SRCAP: variants seen among roughly 807,000 people sequenced by gnomAD.
The protein encoded by SRCAP is Snf2 related CREBBP activator protein.
A neutral mutation model predicts 263.1 loss-of-function variants in SRCAP; 46 were observed. The ratio of observed to expected loss-of-function variants is 0.17; its 90% CI spans 0.14 to 0.22. The LOEUF (loss-of-function observed/expected upper bound fraction) is 0.22, where lower values mean the gene tolerates loss of function less well. Among genes scored for constraint, SRCAP ranks in the 10% least tolerant of loss-of-function variants. The pLI is 1.00. For synonymous variants in SRCAP, 1,813 were observed against 1,662.1 expected (o/e 1.09, Z -2.21); for missense variants, 3,695 against 4,181.9 (o/e 0.88, Z 3.21).
At chr16:30,729,979 G>A (rs2053098343) in intron 27 of SRCAP, among the ~76,000 whole-genome samples, 1 of 152,092 alleles carries the variant, frequency 6.6e-6, no homozygotes, top group Non-Finnish European at 1.5e-5. Context: ...TGTTGGCCAG[G>A]TTGGTCTCGA....
At position 30,711,803 on chromosome 16, in the gene SRCAP, G is replaced by A. The variant is rs753671172; in HGVS notation, c.1493-32G>A. 60 of 1,611,504 alleles carry A rather than the reference G, an allele frequency of 3.7e-5. No homozygotes were observed. The South Asian group carries it at 6.2e-4, about 17-fold the overall frequency. ...GGGTGGCCATTGGAAGAGCAGGTAT[G>A]ATGAGCAGTAAGCCTTGGTCTTACC... is the stretch of plus-strand genomic sequence containing the variant. On this transcript the variant is annotated intron_variant, in intron 11 of 33. Transcript: ENST00000262518.
At chr16:30,717,541 G>T (rs1237629617) in intron 18 of SRCAP, among the ~76,000 whole-genome samples, 1 of 150,782 alleles carries the variant, frequency 6.6e-6, no homozygotes, top group East Asian at 1.9e-4. Context: ...TGAACTCCTG[G>T]GCTCAAATAG....
In SRCAP at chr16:30,733,641, T is replaced by G. The variant is rs1410500663; in HGVS notation, c.6337T>G (p.Cys2113Gly). 1.2e-6 allele frequency: 2 copies of G among 1,614,158 alleles called. No individual in the cohort carries two copies. Among genetic ancestry groups the G allele is most frequent in the South Asian group, 1.1e-5 (1 of 91,086 alleles). Residue 2113 changes from cysteine (C) to glycine (G), a missense_variant, in exon 29 of 34, where the codon TGC becomes GGC. By Grantham distance (159) the Cys-to-Gly change is radical. This residue lies in a region of SRCAP where 138 missense variants were observed against 254.9 expected (regional missense o/e 0.54). Transcript: ENST00000262518. The surrounding 1 kb of genome is among the most constrained non-coding windows in gnomAD (Gnocchi z 5.3). ...GTTCAATGCAGACAAACGCATATTC[T>G]GCTTCATCCTTTCAACTCGGAGTGG... Reference protein sequence around the residue: ...ERFNADKRIFCFILSTRSGGV... With the variant: ...ERFNADKRIFGFILSTRSGGV...
At chr16:30,729,616 T>C (rs774999767) in intron 27 of SRCAP, 44 bp downstream of exon 27, 1 of 1,607,196 alleles carries the variant, frequency 6.2e-7, no homozygotes, top group African/African-American at 1.3e-5. Flanking sequence ...TCTCTTCTTT[T>C]CTTAGTATTA....
chr16:30,712,172 T>C lies in SRCAP; in HGVS notation c.1815+15T>C. On this transcript the variant is annotated intron_variant, in intron 12 of 33. Transcript: ENST00000262518. The stretch of plus-strand genomic sequence containing the variant: ...CCACGACCCAGGTATCCCCAGGTTC[T>C]GGCCTCTCCTTTCTCATGTCTTGAC... The C allele has an allele frequency of 6.2e-7, 1 of 1,609,128 alleles. No homozygotes were observed. The highest frequency in any genetic ancestry group is 2.2e-5 in the East Asian group (1 of 44,766).
intron 23 of SRCAP, 58 bp downstream of exon 23, chr16:30,722,806 G>T: frequency 1.9e-6 from 3 of 1,565,606 alleles, no homozygotes; most frequent in Non-Finnish European, 8.7e-7. Context: ...CCAGGCATGC[G>T]CTGGGCTACT....
At chr16:30,732,156 TAATA>T (rs1269416491) in intron 27 of SRCAP, among the ~76,000 whole-genome samples, 2 of 139,706 alleles carry the variant, frequency 1.4e-5, no homozygotes, top group African/African-American at 5.5e-5. Flanking sequence ...AAAAATGAAA[TAATA>T]AAGTGTTCAG....
chr16:30,731,649 TG>T (rs974465059), intron 27 of SRCAP, among the ~76,000 whole-genome samples: 7 of 152,118 alleles, frequency 4.6e-5, no homozygotes, highest in African/African-American at 1.7e-4. Flanking sequence ...GCAGCTCACT[TG>T]AGGCAAGTAA....
chr16:30,720,802 C>G lies in SRCAP; in HGVS notation c.3077C>G (p.Pro1026Arg). 3 of 1,614,156 alleles carry G rather than the reference C, an allele frequency of 1.9e-6. No homozygotes were observed. The highest frequency in any genetic ancestry group is 8.5e-7 in the Non-Finnish European group (1 of 1,180,038). ...RAPLGPVPVR[P>R]PPGPELSAQP... The stretch of plus-strand genomic sequence containing the variant: ...CCCCTGGGCCCTGTCCCAGTTCGAC[C>G]TCCTCCAGGTCCTGAGCTCTCAGCC... Residue 1026 changes from proline to arginine, a missense_variant, in exon 20 of 34, where the codon CCT (proline) becomes CGT (arginine). Physicochemically the swap from Pro to Arg is moderately radical, Grantham distance 103. This residue lies in a region of SRCAP where 1,347 missense variants were observed against 1,304.4 expected (regional missense o/e 1.03). Transcript: ENST00000262518.
intron 18 of SRCAP, among the ~76,000 whole-genome samples, chr16:30,719,036 T>G (rs2151291788): frequency 6.6e-6 from 1 of 151,780 alleles, no homozygotes; most frequent in South Asian, 2.1e-4. Context: ...CCTGAGCAGC[T>G]GGGACTACAG....
Position 30,737,301 on chromosome 16 carries a change from C to T in SRCAP, c.7261C>T (p.Arg2421Cys), listed in dbSNP as rs774189253. The part of the protein sequence containing the change: ...HTPVISAHQT[R>C]STTTPPRCSP... ...TCCTGTCATATCCGCCCATCAAACTCGCAGCACCACCACACCACCCCGCTG... is the reference window on the plus strand; with the variant it reads ...TCCTGTCATATCCGCCCATCAAACTTGCAGCACCACCACACCACCCCGCTG... The change falls in exon 34 of 34, where the codon CGC becomes TGC. Residue 2421 changes from arginine to cysteine, a missense_variant. By Grantham distance (180) the Arg-to-Cys change is radical. Coordinates refer to ENST00000262518, the MANE Select transcript of SRCAP (RefSeq NM_006662.3). 8 of 1,613,932 alleles carry T rather than the reference C, an allele frequency of 5.0e-6. No homozygotes were observed. The highest frequency in any genetic ancestry group is 2.2e-5 in the East Asian group (1 of 44,870).
In SRCAP at chr16:30,737,286, T is replaced by C. The variant is rs748229435; in HGVS notation, c.7246T>C (p.Ser2416Pro). The change falls in exon 34 of 34, where the codon TCC (serine) becomes CCC (proline). Residue 2416 changes from serine to proline, a missense_variant. Ser to Pro is a moderately conservative substitution (Grantham distance 74, BLOSUM62 -1). Transcript: ENST00000262518. ...TQGANHTPVI[S>P]AHQTRSTTTP... The stretch of plus-strand genomic sequence containing the variant: ...AGGGGCAAACCACACTCCTGTCATA[T>C]CCGCCCATCAAACTCGCAGCACCAC... The C allele has an allele frequency of 1.9e-6, 3 of 1,613,814 alleles. No homozygotes were observed. The highest frequency in any genetic ancestry group is 2.5e-6 in the Non-Finnish European group (3 of 1,179,956).
chr16:30,724,220 C>G lies in SRCAP; in HGVS notation c.4796C>G (p.Ala1599Gly), dbSNP rs1201251731. 1 of 1,613,984 alleles carries G rather than the reference C, an allele frequency of 6.2e-7. No individual in the cohort carries two copies. Among genetic ancestry groups the G allele is most frequent in the Non-Finnish European group, 8.5e-7 (1 of 1,180,012 alleles). The change falls in exon 25 of 34, where the codon GCT becomes GGT. Residue 1599 changes from alanine (A) to glycine (G), a missense_variant. Coordinates refer to ENST00000262518, the MANE Select transcript of SRCAP (RefSeq NM_006662.3). ...PMAAPQTAIL[A>G]PSPAPPLAPL... is the part of the protein sequence containing the mutation. The stretch of plus-strand genomic sequence containing the variant: ...GCGGCTCCACAGACAGCAATTCTGG[C>G]TCCTTCTCCAGCTCCTCCTCTGGCT...
At chr16:30,703,932 G>A (rs2052796961) in intron 3 of SRCAP, 132 bp from the exon 4 acceptor site, 1 of 1,101,472 alleles carries the variant, frequency 9.1e-7, no homozygotes, top group Non-Finnish European at 1.3e-6. Flanking sequence ...CCGAACGTTT[G>A]TGTTTATGAA....
chr16:30,725,421 A>G (rs75941883), intron 25 of SRCAP: 4,059 of 278,596 alleles, frequency 0.015, 105 homozygotes, highest in African/African-American at 0.071. Flanking sequence ...TTCCTGTACT[A>G]TGTATATAGG....
At chr16:30,729,318 T>TG (rs2053091661) in intron 26 of SRCAP, 52 bp from the exon 27 acceptor site, 2 of 1,609,694 alleles carry the variant, frequency 1.2e-6, no homozygotes, top group Admixed American at 3.3e-5. Flanking sequence ...TGTTAACTTC[T>TG]GGGGCATTTC....
rs774540726 is a variant in SRCAP at position 30,707,702 on chromosome 16, A to G, written c.623A>G (p.Asn208Ser). The change falls in exon 6 of 34, where the codon AAT becomes AGT. Residue 208 changes from asparagine (N) to serine (S), a missense_variant. By Grantham distance (46) the Asn-to-Ser change is conservative (BLOSUM62 1). Coordinates refer to ENST00000262518, the MANE Select transcript of SRCAP (RefSeq NM_006662.3). Reference sequence around the variant, plus strand: ...AAGGATGTCAGGCAGTTCTGGAGCAATGTGGAGAAGGTAGACAGTGGGGAT... The same window carrying G: ...AAGGATGTCAGGCAGTTCTGGAGCAGTGTGGAGAAGGTAGACAGTGGGGAT... ...MAKDVRQFWS[N>S]VEKVVQFKQQ... The G allele has an allele frequency of 3.1e-6, 5 of 1,614,178 alleles. No homozygotes were observed. Among genetic ancestry groups the G allele is most frequent in the Non-Finnish European group, 4.2e-6 (5 of 1,180,022 alleles).
chr16:30,735,589 T>TG (rs1555465798), intron 31 of SRCAP, among the ~76,000 whole-genome samples: 1 of 146,472 alleles, frequency 6.8e-6, no homozygotes, highest in African/African-American at 2.5e-5. Flanking sequence ...TTTTTTTTTT[T>TG]GGAGACGGAG....
chr16:30,739,327 TAGC>T lies in SRCAP; in HGVS notation c.9290_9292del (p.Ala3097del). 2 of 1,614,152 alleles carry T rather than the reference TAGC, an allele frequency of 1.2e-6. No homozygotes were observed. The highest frequency in any genetic ancestry group is 1.7e-6 in the Non-Finnish European group (2 of 1,180,012). On this transcript the variant is annotated inframe_deletion, in exon 34 of 34. Transcript: ENST00000262518. ...GCTGTAATTCAGGATGACCTGGACT[TAGC>T]AGATAGCGGGCCAGGCGGGTTGGAA... is the stretch of plus-strand genomic sequence containing the variant.
Sources: allele counts gnomAD v4.1 joint callset (sites outside exome capture counted in the v4.1 genomes callset), GRCh38; gene constraint gnomAD v4.1.1; regional missense constraint gnomAD v4.1.1; non-coding constraint Gnocchi (gnomAD v3.1); transcripts MANE v1.5; gene names NCBI Gene and HGNC (gene_info 2026-07-23, HGNC 2026-07-21).